The following GOT2 variants were observed in gnomAD, a reference collection of about 807,000 sequenced individuals.
The protein encoded by GOT2 is aspartate aminotransferase, mitochondrial.
Under a neutral mutation model 50.0 loss-of-function variants are expected in GOT2, and 17 were observed. That is an observed-to-expected ratio of 0.34 (90% CI 0.23 to 0.51). The LOEUF (loss-of-function observed/expected upper bound fraction) is 0.51, where lower values mean the gene tolerates loss of function less well. Among genes scored for constraint, GOT2 ranks in the 20% least tolerant of loss-of-function variants. GOT2 has a pLI of 0.97. For synonymous variants in GOT2, 172 were observed against 204.9 expected, an observed-to-expected ratio of 0.84 and a Z score of 1.37; for missense variants, 430 against 559.6, an observed-to-expected ratio of 0.77 and a Z score of 2.34.
intron 8 of GOT2, among the ~76,000 whole-genome samples, chr16:58,711,638 G>A (rs1427688667): frequency 2.0e-5 from 3 of 152,184 alleles, no homozygotes; most frequent in African/African-American, 2.4e-5. Flanking sequence ...GAAACCTGTA[G>A]TTTCTCTTGA....
In GOT2 at chr16:58,734,297, A is replaced by T; in HGVS notation, c.-69T>A. 1.2e-6 allele frequency: 1 copy of T among 839,136 alleles called. No homozygotes were observed. Among genetic ancestry groups the T allele is most frequent in the Non-Finnish European group, 1.6e-6 (1 of 618,352 alleles). 52.0% of individuals were successfully genotyped at this position (839,136 alleles called of 1,614,324 possible). ...AGGGCGAGCGGACACACACACAGGG[A>T]ACCGGCTCCTGCTGAAGGTAAGGAC... On this transcript the variant is annotated 5_prime_UTR_variant, in exon 1 of 10. Coordinates refer to ENST00000245206, the MANE Select transcript of GOT2 (RefSeq NM_002080.4).
rs539846640 is a variant in GOT2, at chr16:58,726,971, C to T, written c.90-3069G>A. On this transcript the variant is annotated intron_variant, in intron 1 of 9. Transcript: ENST00000245206. ...GAGTTTGAGACCAGTCTGACCAACACGGTGAAACTCTGTCTCTACTAAAAA... is the reference window on the plus strand; with the variant it reads ...GAGTTTGAGACCAGTCTGACCAACATGGTGAAACTCTGTCTCTACTAAAAA... 5.3e-5 allele frequency among the ~76,000 whole-genome samples: 8 copies of T among 151,972 alleles called. No homozygotes were observed. The South Asian group carries it at 8.3e-4, about 16-fold the overall frequency.
chr16:58,712,784 C>T (rs1479562820), intron 8 of GOT2, among the ~76,000 whole-genome samples: 1 of 152,152 alleles, frequency 6.6e-6, no homozygotes, highest in Non-Finnish European at 1.5e-5. Flanking sequence ...CAGTCCTGCA[C>T]ATACATATAT....
At position 58,716,095 on chromosome 16, in the gene GOT2, C is replaced by G; in HGVS notation, c.938G>C (p.Arg313Pro). Residue 313 changes from arginine to proline, a missense_variant, in exon 8 of 10, where the codon CGT becomes CCT. Coordinates refer to ENST00000245206, the MANE Select transcript of GOT2 (RefSeq NM_002080.4). Reference sequence around the variant, plus strand: ...GAGGGGAGGGTTGGAATACATGGGACGGATCAAGATCTTCAACTGTGACTC... The same window carrying G: ...GAGGGGAGGGTTGGAATACATGGGAGGGATCAAGATCTTCAACTGTGACTC... ...RVESQLKILI[R>P]PMYSNPPLNG... 1 of 1,613,638 alleles carries G rather than the reference C, an allele frequency of 6.2e-7. No homozygotes were observed.
At chr16:58,708,376 C>A in intron 9 of GOT2, 83 bp from the exon 10 acceptor site, 1 of 1,331,794 alleles carries the variant, frequency 7.5e-7, no homozygotes, top group Non-Finnish European at 1.0e-6. Context: ...GCCAACTTAC[C>A]AACGCTCTAT....
intron 2 of GOT2, among the ~76,000 whole-genome samples, chr16:58,722,757 T>C (rs946755539): frequency 3.3e-5 from 5 of 152,182 alleles, no homozygotes; most frequent in Non-Finnish European, 7.3e-5. Context: ...AGAAATACTT[T>C]CTTTTTCAAA....
chr16:58,712,415 G>T (rs1231436648), intron 8 of GOT2, among the ~76,000 whole-genome samples: 3 of 152,136 alleles, frequency 2.0e-5, no homozygotes, highest in African/African-American at 7.2e-5. Flanking sequence ...GGAGCCTGAG[G>T]CAGGAGAATC....
intron 1 of GOT2, among the ~76,000 whole-genome samples, chr16:58,731,162 C>T (rs1168583698): frequency 6.6e-6 from 1 of 151,988 alleles, no homozygotes; most frequent in Non-Finnish European, 1.5e-5. Flanking sequence ...GAGACACAGT[C>T]TTGCTTTGTT....
chr16:58,721,131 C>T (rs1163543925), intron 3 of GOT2, among the ~76,000 whole-genome samples: 3 of 152,032 alleles, frequency 2.0e-5, no homozygotes, highest in Admixed American at 6.6e-5. Context: ...TCTGAGTTAA[C>T]GAATTCATGT....
At chr16:58,714,191 T>G (rs916913446) in intron 8 of GOT2, among the ~76,000 whole-genome samples, 9 of 152,100 alleles carry the variant, frequency 5.9e-5, no homozygotes, top group Non-Finnish European at 1.3e-4. Flanking sequence ...ATTATAGGTG[T>G]GAGCCACCTT....
At chr16:58,710,949 G>A (rs576258363) in intron 8 of GOT2, among the ~76,000 whole-genome samples, 60 of 115,494 alleles carry the variant, frequency 5.2e-4, no homozygotes, top group Non-Finnish European at 8.5e-4. Flanking sequence ...GCCTGGGTGA[G>A]AGAGCAAGAC....
chr16:58,722,362 G>T, intron 2 of GOT2, 84 bp from the exon 3 acceptor site: 13 of 1,369,780 alleles, frequency 9.5e-6, no homozygotes, highest in Admixed American at 5.8e-5. Context: ...TATAAGTTAA[G>T]TTTTGGAGGT....
chr16:58,734,206 C>T lies in GOT2; in HGVS notation c.23G>A (p.Arg8His), dbSNP rs758037631. The change falls in exon 1 of 10, where the codon CGC becomes CAC. Residue 8 changes from arginine (R) to histidine (H), a missense_variant. Coordinates refer to ENST00000245206, the MANE Select transcript of GOT2 (RefSeq NM_002080.4). ...GGCGGCGGCGATCCCGGGGAGGACG[C>T]GGCCGGAGTGCAGCAGGGCCATGGT... MALLHSGRVLPGIAAAFH... is the reference protein window; with the variant it reads MALLHSGHVLPGIAAAFH... 1 of 1,335,284 alleles carries T rather than the reference C, an allele frequency of 7.5e-7. No homozygotes were observed. 82.7% of individuals were successfully genotyped at this position (1,335,284 alleles called of 1,614,324 possible). A position where few individuals can be genotyped will look rare whatever the true frequency, so the allele number is the denominator to read the frequency against.
Position 58,716,157 on chromosome 16 carries a change from A to C in GOT2, c.876T>G (p.Thr292=), listed in dbSNP as rs954723196. 6.2e-7 allele frequency: 1 copy of C among 1,613,910 alleles called. No individual in the cohort carries two copies. Among genetic ancestry groups the C allele is most frequent in the East Asian group, 2.2e-5 (1 of 44,882 alleles). Residue 292 remains threonine, a synonymous_variant, in exon 8 of 10, where the codon ACT becomes ACG. Transcript: ENST00000245206. Reference sequence around the variant, plus strand: ...CTTCATCCGCATCTTTGCAGACCATAGTGAAGGCTCCTACACGCTCACCTG... The same window carrying C: ...CTTCATCCGCATCTTTGCAGACCATCGTGAAGGCTCCTACACGCTCACCTG... The part of the protein sequence containing the change: ...GLYGERVGAF[T]MVCKDADEAK...
rs772249328 is a variant in GOT2 at position 58,708,186 on chromosome 16, G to A, written c.1278C>T (p.His426=). ...SNVGYLAHAI[H]QVTK is the part of the protein sequence containing the mutation. ...ACCAGGGACATTACTTGGTGACCTG[G>A]TGAATGGCATGGGCAAGGTAGCCCA... is the stretch of plus-strand genomic sequence containing the variant. The change falls in exon 10 of 10, where the codon CAC becomes CAT. Residue 426 remains histidine (H), a synonymous_variant. Transcript: ENST00000245206. 7 of 1,613,950 alleles carry A rather than the reference G, an allele frequency of 4.3e-6. No individual in the cohort carries two copies. The Admixed American group carries it at 1.0e-4, about 23-fold the overall frequency.
chr16:58,730,375 C>T (rs892643351), intron 1 of GOT2, among the ~76,000 whole-genome samples: 5 of 132,604 alleles, frequency 3.8e-5, no homozygotes, highest in African/African-American at 1.5e-4. Context: ...TGTTGTTCCC[C>T]TCCTAGAGGG....
intron 1 of GOT2, among the ~76,000 whole-genome samples, chr16:58,732,490 CAT>C (rs541159732): frequency 1.8e-3 from 275 of 152,280 alleles, no homozygotes; most frequent in African/African-American, 6.5e-3. Flanking sequence ...ATTAAAATGT[CAT>C]ACTGTATTTG....
chr16:58,718,500 C>G (rs1170346752), intron 5 of GOT2, 27 bp downstream of exon 5: 4 of 1,549,408 alleles, frequency 2.6e-6, no homozygotes, highest in Non-Finnish European at 2.6e-6. Context: ...TTTTATTCAC[C>G]TCTCTCACCC....
chr16:58,723,204 T>TA (rs1255081810), intron 2 of GOT2, among the ~76,000 whole-genome samples: 2 of 152,140 alleles, frequency 1.3e-5, no homozygotes, highest in African/African-American at 4.8e-5. Context: ...CTGAATAACT[T>TA]AAAAAATTAT....
Sources: allele counts gnomAD v4.1 joint callset (sites outside exome capture counted in the v4.1 genomes callset), GRCh38; gene constraint gnomAD v4.1.1; transcripts MANE v1.5; gene names NCBI Gene and HGNC (gene_info 2026-07-23, HGNC 2026-07-21).